AFF3: variants seen among roughly 807,000 people sequenced by gnomAD.
AFF3 encodes AF4/FMR2 family member 3.
AFF3 carries 32 observed loss-of-function variants against 129.7 expected under a neutral mutation model. The observed-to-expected ratio is 0.25, with a 90% CI of 0.19 to 0.33. The LOEUF is 0.33. Among genes scored for constraint, AFF3 ranks in the 10% least tolerant of loss-of-function variants. The pLI, the probability that AFF3 is intolerant of heterozygous loss-of-function variation, is 1.00. For missense variants in AFF3, 1,373 were observed against 1,592.0 expected (o/e 0.86, Z 2.34); for synonymous variants, 644 against 635.4 (o/e 1.01, Z -0.20).
chr2:100,120,766 TCCTCCATG>T, intron 2 of AFF3, among the ~76,000 whole-genome samples: 1 of 152,200 alleles, frequency 6.6e-6, no homozygotes, highest in Admixed American at 6.5e-5. Context: ...GCTCAAGCGA[TCCTCCATG>T]CCTCCATGCC....
rs1245840101 is a variant in AFF3, at chr2:99,861,101, C to T, written c.874-23577G>A. On this transcript the variant is annotated intron_variant, in intron 7 of 24. Coordinates refer to ENST00000672756, the MANE Select transcript of AFF3 (RefSeq NM_001386135.1). Reference sequence around the variant, plus strand: ...GAGGGCTTCAGATGGAAGTGACTCACAAATCCAAATTCTTTAGGTTTCTTA... The same window carrying T: ...GAGGGCTTCAGATGGAAGTGACTCATAAATCCAAATTCTTTAGGTTTCTTA... Among the ~76,000 whole-genome samples, 3 of 152,164 alleles carry T rather than the reference C, an allele frequency of 2.0e-5. 1 individual carries two copies. Among genetic ancestry groups the T allele is most frequent in the South Asian group, 4.1e-4 (2 of 4,830 alleles).
At chr2:99,950,547 A>G (rs1210965491) in intron 7 of AFF3, among the ~76,000 whole-genome samples, 1 of 152,188 alleles carries the variant, frequency 6.6e-6, no homozygotes, top group Non-Finnish European at 1.5e-5. Context: ...ACTACTAATA[A>G]TGAAGATCAT....
chr2:100,066,306 A>T (rs530175662), intron 4 of AFF3, among the ~76,000 whole-genome samples: 297 of 152,326 alleles, frequency 1.9e-3, no homozygotes, highest in South Asian at 4.4e-3. Flanking sequence ...GTACTGAATC[A>T]AACGGAGAGT....
intron 7 of AFF3, among the ~76,000 whole-genome samples, chr2:99,997,300 T>C (rs1270343320): frequency 1.3e-5 from 2 of 152,104 alleles, no homozygotes; most frequent in African/African-American, 4.8e-5. Flanking sequence ...CACACATAGT[T>C]TTCCTCATCT....
chr2:99,760,920 G>T (rs1242437889), intron 8 of AFF3, among the ~76,000 whole-genome samples: 1 of 151,390 alleles, frequency 6.6e-6, no homozygotes. Flanking sequence ...TTAGTCACCT[G>T]CCCTTTTTTT....
chr2:100,079,928 C>T (rs955539201), intron 4 of AFF3, among the ~76,000 whole-genome samples: 9 of 152,196 alleles, frequency 5.9e-5, no homozygotes, highest in African/African-American at 2.2e-4. Flanking sequence ...ACAGAACTTC[C>T]TGATCTTATT....
intron 4 of AFF3, among the ~76,000 whole-genome samples, chr2:100,011,001 G>T (rs141865777): frequency 6.6e-6 from 1 of 152,168 alleles, no homozygotes; most frequent in Non-Finnish European, 1.5e-5. Flanking sequence ...GCAGCCGGGC[G>T]CTGTGGCTCA....
At chr2:99,762,036 T>A (rs537355931) in intron 8 of AFF3, among the ~76,000 whole-genome samples, 1 of 152,266 alleles carries the variant, frequency 6.6e-6, no homozygotes, top group African/African-American at 2.4e-5. Context: ...TACCTCTGCA[T>A]TCTTTCTCAT....
At chr2:99,951,618 T>C (rs1676172660) in intron 7 of AFF3, among the ~76,000 whole-genome samples, 1 of 152,194 alleles carries the variant, frequency 6.6e-6, no homozygotes, top group Non-Finnish European at 1.5e-5. Flanking sequence ...GTCAGTTTAT[T>C]AGTAAATACT....
intron 11 of AFF3, among the ~76,000 whole-genome samples, chr2:99,675,982 T>A (rs933242802): frequency 7.3e-6 from 1 of 136,488 alleles, no homozygotes; most frequent in Non-Finnish European, 1.6e-5. Context: ...GATCTCCTAC[T>A]GTTTTTTTTT....
intron 1 of AFF3, among the ~76,000 whole-genome samples, chr2:100,138,229 G>A (rs919703712): frequency 6.6e-6 from 1 of 152,106 alleles, no homozygotes; most frequent in Admixed American, 6.5e-5. Flanking sequence ...TCTAATGGAG[G>A]GTCTACCTTT....
At chr2:100,063,398 T>C (rs1687465229) in intron 4 of AFF3, among the ~76,000 whole-genome samples, 1 of 152,212 alleles carries the variant, frequency 6.6e-6, no homozygotes, top group South Asian at 2.1e-4. Flanking sequence ...GTGAATTTTA[T>C]GCTATGTGTA....
intron 20 of AFF3, 65 bp from the exon 21 acceptor site, chr2:99,560,501 GCTT>G: frequency 6.8e-7 from 1 of 1,465,956 alleles, no homozygotes; most frequent in Admixed American, 1.8e-5. Flanking sequence ...AGTAAAACTA[GCTT>G]TTTTATTAAC....
At chr2:100,071,439 G>A (rs1688173242) in intron 4 of AFF3, among the ~76,000 whole-genome samples, 2 of 152,140 alleles carry the variant, frequency 1.3e-5, no homozygotes, top group African/African-American at 4.8e-5. Flanking sequence ...CTGTGAGTAA[G>A]ATGACTCCAT....
chr2:99,979,228 T>C (rs1679172755), intron 7 of AFF3, among the ~76,000 whole-genome samples: 1 of 152,168 alleles, frequency 6.6e-6, no homozygotes, highest in South Asian at 2.1e-4. Flanking sequence ...CAAAGATTTA[T>C]ACTGAACTCC....
chr2:99,590,776 T>A (rs995919312), intron 15 of AFF3, among the ~76,000 whole-genome samples: 1 of 152,092 alleles, frequency 6.6e-6, no homozygotes, highest in Non-Finnish European at 1.5e-5. Flanking sequence ...GCGGATCACC[T>A]GAGGTTGGGA....
chr2:99,872,327 C>G (rs1691930121), intron 7 of AFF3, among the ~76,000 whole-genome samples: 1 of 151,634 alleles, frequency 6.6e-6, no homozygotes. Flanking sequence ...GCCTCTGAGT[C>G]CAAACCTATT....
chr2:100,123,269 C>A (rs956861810), intron 2 of AFF3, among the ~76,000 whole-genome samples: 6 of 152,074 alleles, frequency 3.9e-5, no homozygotes, highest in Non-Finnish European at 5.9e-5. Flanking sequence ...TGACTGTAAG[C>A]GAAGTTTAAT....
intron 13 of AFF3, among the ~76,000 whole-genome samples, chr2:99,640,938 C>T (rs193096783): frequency 6.6e-5 from 10 of 152,270 alleles, no homozygotes; most frequent in East Asian, 5.8e-4. Flanking sequence ...GGATGCACTG[C>T]GTAACCGAAG....
Sources: allele counts gnomAD v4.1 joint callset (sites outside exome capture counted in the v4.1 genomes callset), GRCh38; gene constraint gnomAD v4.1.1; transcripts MANE v1.5; gene names NCBI Gene and HGNC (gene_info 2026-07-23, HGNC 2026-07-21).